ACTR3B: variants seen among roughly 807,000 people sequenced by gnomAD.
ACTR3B encodes actin related protein 3B.
Under a neutral mutation model 59.0 loss-of-function variants are expected in ACTR3B, and 8 were observed. The ratio of observed to expected loss-of-function variants is 0.14; its 90% CI spans 0.08 to 0.24. ACTR3B has a LOEUF of 0.24. Among genes scored for constraint, ACTR3B ranks in the 10% least tolerant of loss-of-function variants. The probability of loss-of-function intolerance (pLI) is 1.00; values close to 1 mark genes in which losing one functional copy is unlikely to be tolerated. For missense variants in ACTR3B, 245 were observed against 552.3 expected, an observed-to-expected ratio of 0.44 and a Z score of 5.58; for synonymous variants, 148 against 197.9, an observed-to-expected ratio of 0.75 and a Z score of 2.12.
chr7:152,852,378 C>T, intron 10 of ACTR3B, 127 bp downstream of exon 10: 1 of 1,215,428 alleles, frequency 8.2e-7, no homozygotes, highest in Non-Finnish European at 1.1e-6. Flanking sequence ...TCATCGCTTT[C>T]TGAGCTGCAT....
intron 9 of ACTR3B, among the ~76,000 whole-genome samples, chr7:152,845,796 G>A (rs745447012): frequency 9.2e-5 from 14 of 152,346 alleles, no homozygotes; most frequent in South Asian, 4.1e-4. Flanking sequence ...CTTAGCCCCC[G>A]CTGAGAGCTC....
rs1386959418 is a variant in ACTR3B, at chr7:152,854,522, G to A, written c.1226G>A (p.Arg409His). 6.8e-6 allele frequency: 11 copies of A among 1,613,930 alleles called. No individual in the cohort carries two copies. Among genetic ancestry groups the A allele is most frequent in the Non-Finnish European group, 4.2e-6 (5 of 1,180,026 alleles). The change falls in exon 12 of 12, where the codon CGC (arginine) becomes CAC (histidine). Residue 409 changes from arginine to histidine, a missense_variant. Coordinates refer to ENST00000256001, the MANE Select transcript of ACTR3B (RefSeq NM_020445.6). The surrounding 1 kb of genome is among the most constrained non-coding windows in gnomAD (Gnocchi z 4.9). Reference sequence around the variant, plus strand: ...GAAGAGTACGGGCCCAGCATCTGCCGCCACAACCCCGTCTTTGGAGTCATG... The same window carrying A: ...GAAGAGTACGGGCCCAGCATCTGCCACCACAACCCCGTCTTTGGAGTCATG... ...DYEEYGPSIC[R>H]HNPVFGVMS is the part of the protein sequence containing the mutation.
At chr7:152,853,403 C>T (rs751718076) in intron 10 of ACTR3B, 91 bp from the exon 11 acceptor site, 35 of 1,197,934 alleles carry the variant, frequency 2.9e-5, no homozygotes, top group Non-Finnish European at 4.3e-5. Context: ...GAGGGCGGCC[C>T]TGGGTGCAGC....
intron 2 of ACTR3B, among the ~76,000 whole-genome samples, chr7:152,791,052 C>T (rs1195779349): frequency 2.0e-5 from 3 of 147,060 alleles, no homozygotes; most frequent in East Asian, 2.0e-4. Flanking sequence ...CTTGCTCTGT[C>T]GCCCAGGCTG....
intron 9 of ACTR3B, among the ~76,000 whole-genome samples, chr7:152,829,399 G>C (rs1796846631): frequency 6.6e-6 from 1 of 152,186 alleles, no homozygotes; most frequent in Non-Finnish European, 1.5e-5. Flanking sequence ...CTCTGCTTCT[G>C]TGAGTTTGAC....
Position 152,759,911 on chromosome 7 carries a change from TG to T in ACTR3B, c.31del (p.Asp11ThrfsTer33). 1 of 1,394,920 alleles carries T rather than the reference TG, an allele frequency of 7.2e-7. No individual in the cohort carries two copies. The allele number at this position is 1,394,920 out of a possible 1,614,324, so 86.4% of individuals were successfully genotyped here. On this transcript the variant is annotated frameshift_variant, in exon 1 of 12. Transcript: ENST00000256001. LOFTEE classifies it high-confidence loss of function. ...GCAGGCTCCCTGCCTCCCTGCGTGGTGGACTGTGGCACCGGGTAAGAGCAGC... is the reference window on the plus strand; with the variant it reads ...GCAGGCTCCCTGCCTCCCTGCGTGGTGACTGTGGCACCGGGTAAGAGCAGC... MAGSLPPCVVDCGTGYTKLG... is the reference protein window; with the variant it reads MAGSLPPCVXDCGTGYTKLG...
intron 2 of ACTR3B, among the ~76,000 whole-genome samples, chr7:152,792,447 T>A (rs1016274655): frequency 1.8e-4 from 27 of 152,170 alleles, no homozygotes; most frequent in South Asian, 8.3e-4. Context: ...TTATTTATTT[T>A]TTTTTAATTA....
chr7:152,837,687 C>T (rs1480971511), intron 9 of ACTR3B, among the ~76,000 whole-genome samples: 1 of 152,238 alleles, frequency 6.6e-6, no homozygotes, highest in African/African-American at 2.4e-5. Flanking sequence ...GGCAGACTCT[C>T]AACCATGTCA....
In ACTR3B at chr7:152,814,577, A is replaced by G; in HGVS notation, c.364A>G (p.Asn122Asp). The G allele has an allele frequency of 1.9e-6, 3 of 1,613,334 alleles. No individual in the cohort carries two copies. Among genetic ancestry groups the G allele is most frequent in the Non-Finnish European group, 2.5e-6 (3 of 1,179,572 alleles). The change falls in exon 5 of 12, where the codon AAC (asparagine) becomes GAC (aspartate). Residue 122 changes from asparagine to aspartate, a missense_variant. By Grantham distance (23) the Asn-to-Asp change is conservative. Around this residue, in one of 7 missense-constraint regions of ACTR3B, gnomAD observed 40 missense variants for 70.4 expected, o/e 0.57. Coordinates refer to ENST00000256001, the MANE Select transcript of ACTR3B (RefSeq NM_020445.6). ...MTEPPLNTPE[N>D]REYLAEIMFE... ...AGAACCTCCACTCAATACACCAGAA[A>G]ACAGAGAGTATCTTGCAGAAATTAT...
rs1484586889 is a variant in ACTR3B at position 152,854,929 on chromosome 7, C to A, written c.*376C>A. 5.7e-6 allele frequency: 1 copy of A among 174,826 alleles called. No individual in the cohort carries two copies. Among genetic ancestry groups the A allele is most frequent in the African/African-American group, 2.4e-5 (1 of 42,336 alleles). The allele number at this position is 174,826 out of a possible 1,614,324, so 10.8% of individuals were successfully genotyped here. A position where few individuals can be genotyped will look rare whatever the true frequency, so the allele number is the denominator to read the frequency against. On this transcript the variant is annotated 3_prime_UTR_variant, in exon 12 of 12. Coordinates refer to ENST00000256001, the MANE Select transcript of ACTR3B (RefSeq NM_020445.6). The surrounding 1 kb of genome is among the most constrained non-coding windows in gnomAD (Gnocchi z 4.9). ...CAGGAGAGAATGTGGGGGCGCAAAC[C>A]CTTTTCCTCCCAGCCTATTTTTGTA...
chr7:152,796,872 T>TG lies in ACTR3B; in HGVS notation c.101-3659_101-3658insG, dbSNP rs1563102342. Among the ~76,000 whole-genome samples, 63 of 101,640 alleles carry TG rather than the reference T, an allele frequency of 6.2e-4. 1 individual carries two copies. The highest frequency in any genetic ancestry group is 2.1e-3 in the African/African-American group (58 of 27,278). 66.7% of individuals were successfully genotyped at this position (101,640 alleles called of 152,430 possible). On this transcript the variant is annotated intron_variant, in intron 2 of 11. Transcript: ENST00000256001. ...GGCTAGTTTTTGTGTTTTTTTTTTT[T>TG]TTTTTTTTTTTTTTTTTTTTTTTTT...
rs1563089766 is a variant in ACTR3B, at chr7:152,785,380, G to GAGA, written c.100+2138_100+2139insAGA. Among the ~76,000 whole-genome samples, 17 of 4,928 alleles carry GAGA rather than the reference G, an allele frequency of 3.4e-3. 1 individual carries two copies. The highest frequency in any genetic ancestry group is 0.027 in the African/African-American group (17 of 620). 3.2% of individuals were successfully genotyped at this position (4,928 alleles called of 152,430 possible). ...ATTGTTGGGCTGAGTTTGTTGTGAG[G>GAGA]GGGGGGGGAGGGGAGGGGGAGGGGG... On this transcript the variant is annotated intron_variant, in intron 2 of 11. Coordinates refer to ENST00000256001, the MANE Select transcript of ACTR3B (RefSeq NM_020445.6).
Position 152,854,790 on chromosome 7 carries a change from C to T in ACTR3B, c.*237C>T. The T allele has an allele frequency of 4.3e-6, 2 of 469,668 alleles. No homozygotes were observed. Among genetic ancestry groups the T allele is most frequent in the South Asian group, 3.2e-5 (1 of 31,244 alleles). The allele number at this position is 469,668 out of a possible 1,614,324, so 29.1% of individuals were successfully genotyped here. On this transcript the variant is annotated 3_prime_UTR_variant, in exon 12 of 12. Transcript: ENST00000256001. The surrounding 1 kb of genome is among the most constrained non-coding windows in gnomAD (Gnocchi z 4.9). ...GCCCTCCTCACCCTCGCTCTCCCTC[C>T]TCCTCCTCCTCCGAGCTGCTAGCTG...
intron 1 of ACTR3B, among the ~76,000 whole-genome samples, chr7:152,781,789 C>G (rs1026617246): frequency 7.2e-5 from 11 of 152,112 alleles, no homozygotes; most frequent in Non-Finnish European, 1.2e-4. Flanking sequence ...TCTTGGTTGG[C>G]TCTGAATTCT....
intron 9 of ACTR3B, among the ~76,000 whole-genome samples, chr7:152,849,818 CTATACA>C (rs1430350796): frequency 6.6e-6 from 1 of 152,268 alleles, no homozygotes; most frequent in African/African-American, 2.4e-5. Context: ...TGAAATTTCT[CTATACA>C]GACACTCGGT....
At chr7:152,828,393 C>T (rs534811048) in intron 9 of ACTR3B, among the ~76,000 whole-genome samples, 4 of 152,300 alleles carry the variant, frequency 2.6e-5, no homozygotes, top group African/African-American at 9.6e-5. Flanking sequence ...AGTAGGGTCC[C>T]TCCAGAAGCA....
At position 152,759,851 on chromosome 7, in the gene ACTR3B, G is replaced by A; in HGVS notation, c.-32G>A. 5 of 1,250,542 alleles carry A rather than the reference G, an allele frequency of 4.0e-6. 1 individual carries two copies. The Middle Eastern group carries it at 9.2e-4, about 229-fold the overall frequency. 77.5% of individuals were successfully genotyped at this position (1,250,542 alleles called of 1,614,324 possible). On this transcript the variant is annotated 5_prime_UTR_variant, in exon 1 of 12. Coordinates refer to ENST00000256001, the MANE Select transcript of ACTR3B (RefSeq NM_020445.6). ...GACGGCGACGGGGCGCTCTCGGGCT[G>A]CCGGCGGGGCCGAGCGCCGCGCGTC...
At chr7:152,773,516 G>A (rs2098129170) in intron 1 of ACTR3B, among the ~76,000 whole-genome samples, 1 of 151,990 alleles carries the variant, frequency 6.6e-6, no homozygotes, top group African/African-American at 2.4e-5. Flanking sequence ...GAACCCGGGA[G>A]GTGGCAGTTG....
chr7:152,812,535 T>C (rs1260816413), intron 4 of ACTR3B: 1 of 140,912 alleles, frequency 7.1e-6, no homozygotes, highest in African/African-American at 2.5e-5. Flanking sequence ...TTTTATTTTA[T>C]TGTTTTTTTT....
Sources: allele counts gnomAD v4.1 joint callset (sites outside exome capture counted in the v4.1 genomes callset), GRCh38; gene constraint gnomAD v4.1.1; regional missense constraint gnomAD v4.1.1; non-coding constraint Gnocchi (gnomAD v3.1); transcripts MANE v1.5; gene names NCBI Gene and HGNC (gene_info 2026-07-23, HGNC 2026-07-21).